PCNX2: variants seen among roughly 807,000 people sequenced by gnomAD.
PCNX2 encodes the protein pecanex 2.
Under a neutral mutation model 223.8 loss-of-function variants are expected in PCNX2, and 168 were observed. The ratio of observed to expected loss-of-function variants is 0.75; its 90% CI spans 0.66 to 0.85. The LOEUF is 0.85. PCNX2 is among the 40% of genes least tolerant of loss of function. PCNX2 has a pLI of 0.00. For missense variants in PCNX2, 2,507 were observed against 2,675.5 expected (o/e 0.94, Z 1.39); for synonymous variants, 1,006 against 1,052.6 (o/e 0.96, Z 0.86).
chr1:233,156,379 C>T (rs1325358503), intron 19 of PCNX2, among the ~76,000 whole-genome samples: 2 of 152,150 alleles, frequency 1.3e-5, no homozygotes, highest in Admixed American at 6.5e-5. Flanking sequence ...AAAGTTTGTT[C>T]CAGCGACTAC....
intron 21 of PCNX2, among the ~76,000 whole-genome samples, chr1:233,097,877 G>A (rs1674269479): frequency 6.6e-6 from 1 of 152,092 alleles, no homozygotes; most frequent in Non-Finnish European, 1.5e-5. Flanking sequence ...ACTAGAAGGG[G>A]AACACATCAA....
At chr1:233,240,699 C>T (rs1658711949) in intron 8 of PCNX2, among the ~76,000 whole-genome samples, 1 of 152,100 alleles carries the variant, frequency 6.6e-6, no homozygotes, top group African/African-American at 2.4e-5. Flanking sequence ...TCTAAAAGTG[C>T]TGCCACTAGA....
chr1:233,089,924 T>C, intron 23 of PCNX2, 137 bp downstream of exon 23: 4 of 1,476,570 alleles, frequency 2.7e-6, no homozygotes, highest in Non-Finnish European at 3.6e-6. Context: ...GAGGAGGTCA[T>C]CAAGAGAGAC....
intron 15 of PCNX2, among the ~76,000 whole-genome samples, chr1:233,190,336 T>C (rs1287436198): frequency 6.6e-6 from 1 of 152,156 alleles, no homozygotes; most frequent in Non-Finnish European, 1.5e-5. Flanking sequence ...TGGGTGAGCT[T>C]TTCTTGTTTC....
At chr1:233,052,887 TG>T (rs1471217450) in intron 25 of PCNX2, among the ~76,000 whole-genome samples, 1 of 152,004 alleles carries the variant, frequency 6.6e-6, no homozygotes, top group South Asian at 2.1e-4. Context: ...TCTAGAAACT[TG>T]GGGGGCACAC....
chr1:233,012,913 G>C (rs1056148494), intron 28 of PCNX2, among the ~76,000 whole-genome samples: 1 of 152,178 alleles, frequency 6.6e-6, no homozygotes, highest in South Asian at 2.1e-4. Flanking sequence ...GTGATTTCAA[G>C]TGCAAGATCC....
chr1:233,152,142 G>A (rs943381268), intron 19 of PCNX2, among the ~76,000 whole-genome samples: 5 of 152,176 alleles, frequency 3.3e-5, no homozygotes, highest in Admixed American at 2.0e-4. Context: ...GGGAAAATGA[G>A]GGGAAGAGAG....
chr1:233,016,873 T>C, intron 27 of PCNX2, 48 bp downstream of exon 27: 1 of 1,578,778 alleles, frequency 6.3e-7, no homozygotes, highest in East Asian at 2.3e-5. Flanking sequence ...ATGTTCTTTA[T>C]TTATTAAACT....
At chr1:233,087,863 G>A (rs1042534205) in intron 23 of PCNX2, among the ~76,000 whole-genome samples, 1 of 152,110 alleles carries the variant, frequency 6.6e-6, no homozygotes, top group Non-Finnish European at 1.5e-5. Flanking sequence ...CACAGACCCT[G>A]AAGCCCTCTT....
At chr1:233,230,836 C>T (rs1464576759) in intron 9 of PCNX2, among the ~76,000 whole-genome samples, 1 of 152,042 alleles carries the variant, frequency 6.6e-6, no homozygotes, top group Non-Finnish European at 1.5e-5. Context: ...CTTAAGAAGG[C>T]AGGGAAGGAT....
At chr1:233,167,735 T>C in intron 17 of PCNX2, 1 of 984,642 alleles carries the variant, frequency 1.0e-6, no homozygotes. Context: ...AAAGGAATCT[T>C]GTAAAACACC....
chr1:232,988,304 A>G (rs1669566255), intron 32 of PCNX2, among the ~76,000 whole-genome samples: 1 of 152,212 alleles, frequency 6.6e-6, no homozygotes, highest in African/African-American at 2.4e-5. Flanking sequence ...AGAGAATTCC[A>G]GGAACAAGGG....
At chr1:233,102,837 T>C (rs1490532733) in intron 21 of PCNX2, among the ~76,000 whole-genome samples, 1 of 152,190 alleles carries the variant, frequency 6.6e-6, no homozygotes, top group Non-Finnish European at 1.5e-5. Context: ...TTGTTTATTC[T>C]TTCCTTTGCT....
the PCNX2 span, among the ~76,000 whole-genome samples, chr1:233,301,703 G>GTA: frequency 6.6e-6 from 1 of 151,644 alleles, no homozygotes; most frequent in Admixed American, 6.6e-5. Flanking sequence ...CTACACTCTT[G>GTA]TACACCCTTT....
At chr1:233,207,053 G>C (rs745721320) in intron 13 of PCNX2, among the ~76,000 whole-genome samples, 2 of 151,620 alleles carry the variant, frequency 1.3e-5, no homozygotes, top group Non-Finnish European at 2.9e-5. Context: ...AAGTTACTCT[G>C]CTTCTCAAAT....
chr1:233,305,962 A>G, the PCNX2 span, among the ~76,000 whole-genome samples: 10 of 152,216 alleles, frequency 6.6e-5, no homozygotes, highest in African/African-American at 2.4e-4. Context: ...TCAAAAGGCA[A>G]AGTTTGCCAG....
At chr1:233,319,104 C>T in the PCNX2 span, among the ~76,000 whole-genome samples, 2 of 152,280 alleles carry the variant, frequency 1.3e-5, no homozygotes, top group Admixed American at 6.5e-5. Flanking sequence ...GTCCCTCTCT[C>T]GGGTTGCTAT....
At chr1:233,145,689 G>A (rs1368146376) in intron 19 of PCNX2, among the ~76,000 whole-genome samples, 1 of 152,142 alleles carries the variant, frequency 6.6e-6, no homozygotes, top group Non-Finnish European at 1.5e-5. Flanking sequence ...CATCATTCTG[G>A]TAGGAGGAGG....
At chr1:233,225,564 A>T (rs1657660445) in intron 10 of PCNX2, among the ~76,000 whole-genome samples, 1 of 152,200 alleles carries the variant, frequency 6.6e-6, no homozygotes, top group Non-Finnish European at 1.5e-5. Context: ...ACCCATTGTA[A>T]CTTGCCAGAA....
Sources: allele counts gnomAD v4.1 joint callset (sites outside exome capture counted in the v4.1 genomes callset), GRCh38; gene constraint gnomAD v4.1.1; transcripts MANE v1.5; gene names NCBI Gene and HGNC (gene_info 2026-07-23, HGNC 2026-07-21).